The following PCDHGA3 variants were observed in gnomAD, a reference collection of about 807,000 sequenced individuals.
PCDHGA3 encodes protocadherin gamma subfamily A, 3.
PCDHGA3 carries 40 observed loss-of-function variants against 58.5 expected under a neutral mutation model. The observed-to-expected ratio is 0.68, with a 90% CI of 0.53 to 0.89. PCDHGA3 has a LOEUF of 0.89. Among genes scored for constraint, PCDHGA3 ranks in the 40% least tolerant of loss-of-function variants. The pLI, the probability that PCDHGA3 is intolerant of heterozygous loss-of-function variation, is 0.00. For synonymous variants in PCDHGA3, 530 were observed against 525.7 expected (o/e 1.01, Z -0.11); for missense variants, 1,223 against 1,195.9 (o/e 1.02, Z -0.33).
Position 141,476,263 on chromosome 5 carries a change from C to G in PCDHGA3, c.2425-18544C>G. 13 of 1,613,940 alleles carry G rather than the reference C, an allele frequency of 8.1e-6. No individual in the cohort carries two copies. Among genetic ancestry groups the G allele is most frequent in the Non-Finnish European group, 1.1e-5 (13 of 1,180,010 alleles). On this transcript the variant is annotated intron_variant, in intron 1 of 3. Transcript: ENST00000253812. This position sits in a 1 kb window ranked among gnomAD's most constrained non-coding sequence, Gnocchi z 7.6. ...GAGAGAAGGGTTTCGCTGTGGGCAA[C>G]GTGGTCGCGAACCTTGGTTTGGATC...
At chr5:141,421,870 G>A in intron 1 of PCDHGA3, 1 of 1,613,758 alleles carries the variant, frequency 6.2e-7, no homozygotes, top group Non-Finnish European at 8.5e-7. Flanking sequence ...CCTCCTCACA[G>A]CTTTAGATGG....
intron 1 of PCDHGA3, chr5:141,357,611 C>T: frequency 6.2e-7 from 1 of 1,613,912 alleles, no homozygotes; most frequent in Non-Finnish European, 8.5e-7. Flanking sequence ...AAAGGAGACC[C>T]TAATCTTCAG....
chr5:141,404,680 G>C, intron 1 of PCDHGA3: 1 of 1,614,160 alleles, frequency 6.2e-7, no homozygotes, highest in East Asian at 2.2e-5. Context: ...CTGGTGTGGA[G>C]CTGGCACCCC....
At chr5:141,415,401 G>T in intron 1 of PCDHGA3, 2 of 1,614,206 alleles carry the variant, frequency 1.2e-6, no homozygotes, top group Non-Finnish European at 1.7e-6. Context: ...TGTCCGGCTC[G>T]CACTTTGTGG....
intron 1 of PCDHGA3, chr5:141,365,738 T>A (rs1378974315): frequency 1.9e-6 from 3 of 1,613,586 alleles, no homozygotes; most frequent in Admixed American, 3.3e-5. Context: ...CAGAGGTGTC[T>A]CTATCTTCTC....
intron 1 of PCDHGA3, among the ~76,000 whole-genome samples, chr5:141,462,105 G>A (rs2099031983): frequency 6.6e-6 from 1 of 152,170 alleles, no homozygotes; most frequent in South Asian, 2.1e-4. Flanking sequence ...TTACAGGCAT[G>A]AGCCACTGCA....
intron 1 of PCDHGA3, chr5:141,357,600 A>G (rs1397548733): frequency 6.2e-7 from 1 of 1,613,990 alleles, no homozygotes; most frequent in African/African-American, 1.3e-5. Context: ...TACTTGAAAC[A>G]AAAGGAGACC....
At chr5:141,357,770 T>C in intron 1 of PCDHGA3, 1 of 952,176 alleles carries the variant, frequency 1.1e-6, no homozygotes, top group Non-Finnish European at 1.5e-6. Context: ...GACCTTCCAA[T>C]AATGATCAAC....
rs751805838 is a variant in PCDHGA3, at chr5:141,409,319, G to T, written c.2424+62862G>T. 3 of 1,613,988 alleles carry T rather than the reference G, an allele frequency of 1.9e-6. No homozygotes were observed. The Admixed American group carries it at 5.0e-5, about 27-fold the overall frequency. ...GGTTGTTGCCCTCTTCAAAACACGG[G>T]ATCTGGATTTCGGAGGAAATGGAGA... is the stretch of plus-strand genomic sequence containing the variant. On this transcript the variant is annotated intron_variant, in intron 1 of 3. Coordinates refer to ENST00000253812, the MANE Select transcript of PCDHGA3 (RefSeq NM_018916.4).
intron 1 of PCDHGA3, chr5:141,376,385 C>T (rs1200175997): frequency 6.2e-7 from 1 of 1,614,120 alleles, no homozygotes; most frequent in Non-Finnish European, 8.5e-7. Flanking sequence ...TAAGAGTCAT[C>T]TGATTTTCCC....
chr5:141,394,178 C>T (rs1180220826), intron 1 of PCDHGA3: 2 of 1,613,812 alleles, frequency 1.2e-6, no homozygotes, highest in South Asian at 2.2e-5. Flanking sequence ...TCCCTCATGC[C>T]TCCTACTCAG....
chr5:141,383,681 T>G (rs1299329378), intron 1 of PCDHGA3: 2 of 1,613,902 alleles, frequency 1.2e-6, no homozygotes, highest in Non-Finnish European at 1.7e-6. Flanking sequence ...GGTACAAGAC[T>G]GCTCACGGTA....
At chr5:141,498,830 G>T (rs2099786149) in intron 2 of PCDHGA3, among the ~76,000 whole-genome samples, 1 of 152,080 alleles carries the variant, frequency 6.6e-6, no homozygotes, top group Non-Finnish European at 1.5e-5. Context: ...CTACTCAGGA[G>T]GCTGAGGCAG....
chr5:141,370,723 C>G, intron 1 of PCDHGA3: 1 of 1,613,808 alleles, frequency 6.2e-7, no homozygotes, highest in South Asian at 1.1e-5. Context: ...GAAATGGTTG[C>G]TGAAAAGCCT....
intron 1 of PCDHGA3, chr5:141,356,690 A>G: frequency 6.2e-7 from 1 of 1,614,024 alleles, no homozygotes; most frequent in Non-Finnish European, 8.5e-7. Flanking sequence ...GACACCTTCC[A>G]GGGTGCACCT....
At chr5:141,388,657 G>A (rs769160604) in intron 1 of PCDHGA3, 2 of 1,613,760 alleles carry the variant, frequency 1.2e-6, no homozygotes, top group Admixed American at 1.7e-5. Context: ...GTGTACCCGG[G>A]GACCACGGTG....
chr5:141,420,229 C>A (rs1206296211), intron 1 of PCDHGA3: 1 of 1,600,344 alleles, frequency 6.2e-7, no homozygotes, highest in South Asian at 1.1e-5. Flanking sequence ...TACTGGCTAG[C>A]ATTTTAACTC....
intron 1 of PCDHGA3, chr5:141,391,390 C>G (rs1268177633): frequency 6.6e-6 from 1 of 151,476 alleles, no homozygotes; most frequent in Non-Finnish European, 1.5e-5. Context: ...ATAGCTCCCT[C>G]CAGCCTCAAA....
chr5:141,404,809 G>A (rs1383342554), intron 1 of PCDHGA3: 1 of 1,613,984 alleles, frequency 6.2e-7, no homozygotes, highest in East Asian at 2.2e-5. Flanking sequence ...TCTTCTCGGT[G>A]GGGCTGCACA....
Sources: allele counts gnomAD v4.1 joint callset (sites outside exome capture counted in the v4.1 genomes callset), GRCh38; gene constraint gnomAD v4.1.1; non-coding constraint Gnocchi (gnomAD v3.1); transcripts MANE v1.5; gene names NCBI Gene and HGNC (gene_info 2026-07-23, HGNC 2026-07-21).